The following SAMSN1 variants were observed in gnomAD, a reference collection of about 807,000 sequenced individuals.
SAMSN1 encodes SAM domain, SH3 domain and nuclear localization signals 1.
A neutral mutation model predicts 42.0 loss-of-function variants in SAMSN1; 31 were observed. That is an observed-to-expected ratio of 0.74 (90% CI 0.55 to 1.00). SAMSN1 has a LOEUF of 1.00. Ranked by LOEUF, SAMSN1 falls within the 50% of genes least tolerant of loss-of-function variation. The probability of loss-of-function intolerance (pLI) is 0.00; values close to 1 mark genes in which losing one functional copy is unlikely to be tolerated. For missense variants in SAMSN1, 464 were observed against 439.4 expected (o/e 1.06, Z -0.50); for synonymous variants, 178 against 151.9 (o/e 1.17, Z -1.26).
At chr21:14,622,206 C>G (rs1983031565) in intron 2 of SAMSN1, among the ~76,000 whole-genome samples, 2 of 152,186 alleles carry the variant, frequency 1.3e-5, no homozygotes, top group African/African-American at 4.8e-5. Context: ...ATTCTAAAAA[C>G]CAGAGTGCCT....
chr21:14,509,951 A>G (rs1032852880), intron 5 of SAMSN1, among the ~76,000 whole-genome samples: 9 of 152,018 alleles, frequency 5.9e-5, no homozygotes, highest in Non-Finnish European at 1.0e-4. Flanking sequence ...CATCCTGGCT[A>G]ACACGGTGAA....
chr21:14,549,171 G>A (rs1980520939), upstream of SAMSN1, among the ~76,000 whole-genome samples: 1 of 152,074 alleles, frequency 6.6e-6, no homozygotes, highest in Admixed American at 6.6e-5. Flanking sequence ...TTAGTGTATT[G>A]CTAAAACACA....
intron 6 of SAMSN1, among the ~76,000 whole-genome samples, chr21:14,597,311 T>C (rs1394920031): frequency 6.6e-6 from 1 of 152,142 alleles, no homozygotes; most frequent in Non-Finnish European, 1.5e-5. Flanking sequence ...TCCCATTTTG[T>C]CCATTCTACA....
At chr21:14,628,592 A>G (rs990071551) in intron 2 of SAMSN1, among the ~76,000 whole-genome samples, 4 of 152,190 alleles carry the variant, frequency 2.6e-5, no homozygotes, top group Non-Finnish European at 5.9e-5. Context: ...CAAATGTGAA[A>G]AAGTCCTACT....
intron 1 of SAMSN1, among the ~76,000 whole-genome samples, chr21:14,530,803 C>T (rs2123088974): frequency 6.6e-6 from 1 of 152,248 alleles, no homozygotes; most frequent in South Asian, 2.1e-4. Context: ...GCCACCTCTA[C>T]TCAAATTATT....
chr21:14,519,757 C>T (rs1490899183), intron 2 of SAMSN1, among the ~76,000 whole-genome samples: 1 of 151,998 alleles, frequency 6.6e-6, no homozygotes, highest in African/African-American at 2.4e-5. Context: ...ACCTATTGAT[C>T]TAAAAAGAAT....
chr21:14,510,112 C>T (rs1987616069), intron 5 of SAMSN1, among the ~76,000 whole-genome samples, 198 bp downstream of exon 5: 1 of 150,730 alleles, frequency 6.6e-6, no homozygotes, highest in Non-Finnish European at 1.5e-5. Context: ...GCACTCCAGC[C>T]TGGGCAACAG....
chr21:14,522,559 G>A (rs894557218), intron 1 of SAMSN1, among the ~76,000 whole-genome samples: 27 of 151,978 alleles, frequency 1.8e-4, no homozygotes, highest in Admixed American at 3.3e-4. Context: ...ATGGGATCTC[G>A]GAAATTGCTA....
intron 2 of SAMSN1, among the ~76,000 whole-genome samples, chr21:14,571,916 A>G (rs1402335231): frequency 6.6e-6 from 1 of 152,204 alleles, no homozygotes; most frequent in Non-Finnish European, 1.5e-5. Flanking sequence ...CAGCTTTCTT[A>G]GTTCCAGGGA....
chr21:14,507,500 A>G (rs1172893053), intron 5 of SAMSN1, among the ~76,000 whole-genome samples: 2 of 152,244 alleles, frequency 1.3e-5, no homozygotes, highest in East Asian at 3.8e-4. Flanking sequence ...TAAGGAGGTG[A>G]AAGACCTCCA....
chr21:14,570,510 G>A (rs1555838084), intron 2 of SAMSN1, among the ~76,000 whole-genome samples: 1 of 152,192 alleles, frequency 6.6e-6, no homozygotes, highest in Non-Finnish European at 1.5e-5. Flanking sequence ...GATTTGGAAT[G>A]TGCAGTCGTG....
intron 2 of SAMSN1, among the ~76,000 whole-genome samples, chr21:14,636,201 T>C (rs774534329): frequency 1.1e-4 from 16 of 152,342 alleles, no homozygotes; most frequent in Non-Finnish European, 1.5e-4. Flanking sequence ...TATTCACCCA[T>C]CTCAAGTTCT....
At chr21:14,553,271 G>A (rs7280738) in intron 2 of SAMSN1, among the ~76,000 whole-genome samples, 41,733 of 151,746 alleles carry the variant, frequency 0.28, 6,028 homozygotes, top group African/African-American at 0.37. Context: ...ATTGTTTAAT[G>A]CTTTATGTTC....
intron 2 of SAMSN1, among the ~76,000 whole-genome samples, chr21:14,559,964 A>T (rs2123195780): frequency 6.6e-6 from 1 of 152,282 alleles, no homozygotes; most frequent in African/African-American, 2.4e-5. Flanking sequence ...ATTATTTACC[A>T]AATATCTATT....
At chr21:14,643,040 A>C (rs368927082) in exon 2 of SAMSN1, 6 of 717,170 alleles carry the variant, frequency 8.4e-6, no homozygotes, top group Non-Finnish European at 1.6e-5. Context: ...CTCTCTCCAA[A>C]GGGTGGGATA....
chr21:14,537,314 A>G (rs1979690710), intron 1 of SAMSN1, among the ~76,000 whole-genome samples: 1 of 151,962 alleles, frequency 6.6e-6, no homozygotes, highest in Admixed American at 6.5e-5. Flanking sequence ...CCTTTTTCCA[A>G]TGTCCCATTC....
intron 5 of SAMSN1, among the ~76,000 whole-genome samples, chr21:14,507,719 C>A (rs1300682756): frequency 6.6e-6 from 1 of 151,616 alleles, no homozygotes; most frequent in East Asian, 1.9e-4. Context: ...CATATGGAAC[C>A]AAAAAAGAGC....
At chr21:14,536,776 T>A (rs1169016071) in intron 1 of SAMSN1, among the ~76,000 whole-genome samples, 1 of 152,186 alleles carries the variant, frequency 6.6e-6, no homozygotes. Context: ...CATTTCTCCT[T>A]GGCATGCAAG....
intron 5 of SAMSN1, among the ~76,000 whole-genome samples, chr21:14,505,006 A>G (rs758831750): frequency 8.5e-5 from 13 of 152,228 alleles, no homozygotes; most frequent in Non-Finnish European, 1.6e-4. Flanking sequence ...ATCAAACTTC[A>G]TATATGAAGG....
Sources: gnomAD v4.1 joint callset for allele counts (sites outside exome capture counted in the v4.1 genomes callset) on GRCh38, gnomAD v4.1.1 for gene constraint, MANE v1.5 for transcripts, NCBI Gene and HGNC (gene_info 2026-07-23, HGNC 2026-07-21) for gene names.